FAT3: variants seen among roughly 807,000 people sequenced by gnomAD.
The protein encoded by FAT3 is protocadherin Fat 3.
A neutral mutation model predicts 310.2 loss-of-function variants in FAT3; 95 were observed. The observed-to-expected ratio is 0.31, with a 90% CI of 0.26 to 0.36. The LOEUF is 0.36. Among genes scored for constraint, FAT3 ranks in the 10% least tolerant of loss-of-function variants. The pLI, the probability that FAT3 is intolerant of heterozygous loss-of-function variation, is 1.00. For missense variants in FAT3, 5,408 were observed against 5,715.6 expected (o/e 0.95, Z 1.74); for synonymous variants, 2,314 against 2,192.9 (o/e 1.06, Z -1.54).
chr11:92,411,149 T>TTATATA lies in FAT3; in HGVS notation c.3292+55752_3292+55757dup, dbSNP rs56346731. Among the ~76,000 whole-genome samples the TTATATA allele has an allele frequency of 8.5e-4, 117 of 138,300 alleles. 1 individual carries two copies. Among genetic ancestry groups the TTATATA allele is most frequent in the African/African-American group, 3.0e-3 (113 of 37,594 alleles). 90.7% of individuals were successfully genotyped at this position (138,300 alleles called of 152,430 possible). A position where few individuals can be genotyped will look rare whatever the true frequency, so the allele number is the denominator to read the frequency against. Reference sequence around the variant, plus strand: ...ATATATTATATATTATATATATAAATTATATATATATAATATATATATAAA... The same window carrying TTATATA: ...ATATATTATATATTATATATATAAATTATATATATATATATATAATATATATATAAA... On this transcript the variant is annotated intron_variant, in intron 2 of 27. Coordinates refer to ENST00000525166, the MANE Select transcript of FAT3 (RefSeq NM_001367949.2).
In FAT3 at chr11:92,352,077, C is replaced by A; in HGVS notation, c.-17-19C>A. 1 of 1,241,842 alleles carries A rather than the reference C, an allele frequency of 8.1e-7. No homozygotes were observed. The highest frequency in any genetic ancestry group is 1.0e-6 in the Non-Finnish European group (1 of 958,902). The allele number at this position is 1,241,842 out of a possible 1,614,324, so 76.9% of individuals were successfully genotyped here. ...AGGATGGTTAATTTATCTTTTCTCT[C>A]TCTCTTTCTTCCCTCCAGGATGGAA... On this transcript the variant is annotated intron_variant, in intron 1 of 27. Coordinates refer to ENST00000525166, the MANE Select transcript of FAT3 (RefSeq NM_001367949.2).
intron 3 of FAT3, among the ~76,000 whole-genome samples, chr11:92,528,014 A>C (rs1953931323): frequency 6.6e-6 from 1 of 152,226 alleles, no homozygotes; most frequent in Admixed American, 6.5e-5. Context: ...AATGTGCTAC[A>C]TAATAAAGAT....
At chr11:92,728,107 T>C (rs1945054582) in intron 4 of FAT3, among the ~76,000 whole-genome samples, 1 of 152,114 alleles carries the variant, frequency 6.6e-6, no homozygotes, top group Admixed American at 6.5e-5. Flanking sequence ...CCAAATACCA[T>C]CTTCATTAGA....
chr11:92,569,894 C>T (rs184890282), intron 3 of FAT3, among the ~76,000 whole-genome samples: 10 of 152,242 alleles, frequency 6.6e-5, no homozygotes, highest in Admixed American at 4.6e-4. Context: ...ACAGCTCATG[C>T]TCTCTGGAGC....
chr11:92,508,783 C>G (rs1342096452), intron 2 of FAT3, among the ~76,000 whole-genome samples: 2 of 152,086 alleles, frequency 1.3e-5, no homozygotes, highest in Non-Finnish European at 2.9e-5. Flanking sequence ...TCCAGATACT[C>G]TTTGTGCTAA....
At chr11:92,629,018 CT>C (rs1165634063) in intron 3 of FAT3, among the ~76,000 whole-genome samples, 1 of 152,238 alleles carries the variant, frequency 6.6e-6, no homozygotes, top group East Asian at 1.9e-4. Flanking sequence ...AACTTATCTT[CT>C]GCTCTTAAGC....
At chr11:92,384,736 C>T (rs1242629266) in intron 2 of FAT3, among the ~76,000 whole-genome samples, 2 of 152,138 alleles carry the variant, frequency 1.3e-5, no homozygotes, top group African/African-American at 4.8e-5. Flanking sequence ...TTAAAGGAGA[C>T]TAATCAGTGC....
At chr11:92,484,473 C>T (rs1032830574) in intron 2 of FAT3, among the ~76,000 whole-genome samples, 6 of 152,038 alleles carry the variant, frequency 3.9e-5, no homozygotes, top group Non-Finnish European at 5.9e-5. Context: ...GCAGGTACAG[C>T]GTGCAACTCA....
At chr11:92,424,864 A>G (rs1399111727) in intron 2 of FAT3, among the ~76,000 whole-genome samples, 1 of 152,150 alleles carries the variant, frequency 6.6e-6, no homozygotes, top group Non-Finnish European at 1.5e-5. Context: ...AATGATGACT[A>G]TGATCAGATT....
intron 2 of FAT3, among the ~76,000 whole-genome samples, chr11:92,464,500 T>C (rs1348655278): frequency 6.6e-6 from 1 of 152,152 alleles, no homozygotes; most frequent in African/African-American, 2.4e-5. Flanking sequence ...ATTAGCAGGG[T>C]TTTCTTCAGC....
intron 2 of FAT3, among the ~76,000 whole-genome samples, chr11:92,442,111 ATTTTTTT>A (rs869097021): frequency 2.2e-5 from 1 of 45,222 alleles, no homozygotes; most frequent in African/African-American, 1.8e-4. Context: ...ATATATATAT[ATTTTTTT>A]TTTTTTTTTT....
chr11:92,548,907 CA>C (rs1954707252), intron 3 of FAT3, among the ~76,000 whole-genome samples: 1 of 152,148 alleles, frequency 6.6e-6, no homozygotes, highest in South Asian at 2.1e-4. Context: ...GAGAAGTTGG[CA>C]TTTGCAGTTT....
chr11:92,578,597 A>C (rs1938616779), intron 3 of FAT3, among the ~76,000 whole-genome samples: 1 of 152,152 alleles, frequency 6.6e-6, no homozygotes. Context: ...ATGGACTGCA[A>C]ATTTGAAAGA....
intron 22 of FAT3, among the ~76,000 whole-genome samples, chr11:92,879,318 G>T (rs566896175): frequency 6.6e-6 from 1 of 152,278 alleles, no homozygotes; most frequent in East Asian, 1.9e-4. Flanking sequence ...GGAATCACCA[G>T]ATCCAACACA....
intron 2 of FAT3, among the ~76,000 whole-genome samples, chr11:92,442,111 ATTTTT>A (rs869097021): frequency 2.2e-5 from 1 of 45,222 alleles, no homozygotes; most frequent in African/African-American, 1.8e-4. Context: ...ATATATATAT[ATTTTT>A]TTTTTTTTTT....
At chr11:92,250,846 A>G (rs913216814) in intron 1 of FAT3, among the ~76,000 whole-genome samples, 2 of 152,120 alleles carry the variant, frequency 1.3e-5, no homozygotes, top group Admixed American at 6.6e-5. Flanking sequence ...AGGACAAGAA[A>G]TGTTCTGGGA....
intron 3 of FAT3, among the ~76,000 whole-genome samples, chr11:92,530,144 G>A (rs1954018186): frequency 1.3e-5 from 2 of 152,008 alleles, no homozygotes; most frequent in Non-Finnish European, 2.9e-5. Flanking sequence ...ATGCCTTTTG[G>A]TATATGGTAT....
chr11:92,871,827 C>T (rs1949401821), intron 22 of FAT3, among the ~76,000 whole-genome samples: 1 of 152,192 alleles, frequency 6.6e-6, no homozygotes, highest in Non-Finnish European at 1.5e-5. Context: ...TTTCTATGCA[C>T]ACCCATTGTT....
chr11:92,387,063 AGTGT>A (rs67529435), intron 2 of FAT3, among the ~76,000 whole-genome samples: 9,656 of 144,018 alleles, frequency 0.067, 434 homozygotes, highest in African/African-American at 0.13. Context: ...TATGGGAGCT[AGTGT>A]GTGTGTGTGT....
Sources: gnomAD v4.1 joint callset for allele counts (sites outside exome capture counted in the v4.1 genomes callset) on GRCh38, gnomAD v4.1.1 for gene constraint, MANE v1.5 for transcripts, NCBI Gene and HGNC (gene_info 2026-07-23, HGNC 2026-07-21) for gene names.